RAB3D: variants seen among roughly 807,000 people sequenced by gnomAD.
RAB3D encodes RAB3D, member RAS oncogene family.
A neutral mutation model predicts 19.3 loss-of-function variants in RAB3D; 17 were observed. The observed-to-expected ratio is 0.88, with a 90% CI of 0.60 to 1.32. The LOEUF (loss-of-function observed/expected upper bound fraction) is 1.32, where lower values mean the gene tolerates loss of function less well. Among genes scored for constraint, RAB3D ranks in the 40% most tolerant of loss-of-function variants. RAB3D has a pLI of 0.00. For missense variants in RAB3D, 223 were observed against 299.1 expected (o/e 0.75, Z 1.88); for synonymous variants, 103 against 119.9 (o/e 0.86, Z 0.92).
At chr19:11,338,231 C>T (rs949848505) in intron 1 of RAB3D, among the ~76,000 whole-genome samples, 1 of 152,192 alleles carries the variant, frequency 6.6e-6, no homozygotes, top group African/African-American at 2.4e-5. Context: ...GGTGGGGAGA[C>T]CTTTCCTATC....
chr19:11,336,098 T>C (rs1278514926), intron 2 of RAB3D, among the ~76,000 whole-genome samples: 1 of 152,144 alleles, frequency 6.6e-6, no homozygotes, highest in African/African-American at 2.4e-5. Flanking sequence ...ACCTTGTCTC[T>C]AAGAACCAAC....
intron 4 of RAB3D, among the ~76,000 whole-genome samples, chr19:11,334,835 A>G (rs539207305): frequency 2.6e-5 from 4 of 152,122 alleles, no homozygotes; most frequent in African/African-American, 9.6e-5. Context: ...AAGCAGGAGA[A>G]TTGCTTGAAC....
At chr19:11,337,683 T>C (rs1966909828) in intron 1 of RAB3D, among the ~76,000 whole-genome samples, 1 of 151,952 alleles carries the variant, frequency 6.6e-6, no homozygotes, top group African/African-American at 2.4e-5. Flanking sequence ...TTTTTTTTTT[T>C]TTTAGAGACA....
intron 4 of RAB3D, among the ~76,000 whole-genome samples, chr19:11,331,341 T>G (rs938388445): frequency 4.6e-5 from 7 of 151,958 alleles, no homozygotes; most frequent in Non-Finnish European, 1.0e-4. Context: ...TCAGAAAAAC[T>G]TCATTTATAG....
chr19:11,326,760 T>C (rs113307417), intron 4 of RAB3D: 10,215 of 696,272 alleles, frequency 0.015, 590 homozygotes, highest in African/African-American at 0.14. Context: ...TGCCCCACCA[T>C]GCCCGGCTAA....
In RAB3D at chr19:11,325,258, A is replaced by C; in HGVS notation, c.*140T>G. ...GCAGCCACGGCGACATTGTGAAGGA[A>C]TGAGCCATGCAGGAGTCGGGGAGCA... On this transcript the variant is annotated 3_prime_UTR_variant, in exon 5 of 5. Coordinates refer to ENST00000222120, the MANE Select transcript of RAB3D (RefSeq NM_004283.4). 8.3e-6 allele frequency: 5 copies of C among 605,412 alleles called. No individual in the cohort carries two copies. The highest frequency in any genetic ancestry group is 1.1e-5 in the Non-Finnish European group (4 of 348,194). 37.5% of individuals were successfully genotyped at this position (605,412 alleles called of 1,614,324 possible).
intron 4 of RAB3D, among the ~76,000 whole-genome samples, chr19:11,329,056 T>C (rs2080826659): frequency 6.6e-6 from 1 of 151,538 alleles, no homozygotes; most frequent in Non-Finnish European, 1.5e-5. Context: ...TAGCTGGGAC[T>C]ATAGGGGTGT....
At chr19:11,326,594 G>C (rs2080814422) in intron 4 of RAB3D, among the ~76,000 whole-genome samples, 2 of 152,148 alleles carry the variant, frequency 1.3e-5, no homozygotes, top group Non-Finnish European at 2.9e-5. Context: ...GACCCATCAA[G>C]TCACATTTTC....
chr19:11,326,407 G>T (rs569011444), intron 4 of RAB3D, among the ~76,000 whole-genome samples: 1 of 152,036 alleles, frequency 6.6e-6, no homozygotes, highest in Admixed American at 6.6e-5. Flanking sequence ...GAAACCCTGC[G>T]GCTGCAGCCA....
In RAB3D at chr19:11,339,046, C is replaced by T. The variant is rs534219724; in HGVS notation, c.-62+423G>A. On this transcript the variant is annotated intron_variant, in intron 1 of 4. Transcript: ENST00000222120. Reference sequence around the variant, plus strand: ...AACCAGGACCCAACCGGCCCCACCCCGTGTTCCAGGAGAACGAGTTTAAGG... The same window carrying T: ...AACCAGGACCCAACCGGCCCCACCCTGTGTTCCAGGAGAACGAGTTTAAGG... 2.6e-5 allele frequency among the ~76,000 whole-genome samples: 4 copies of T among 152,354 alleles called. No individual in the cohort carries two copies. The South Asian group carries it at 8.3e-4, about 32-fold the overall frequency.
chr19:11,331,752 A>G (rs1388202706), intron 4 of RAB3D, among the ~76,000 whole-genome samples: 1 of 151,076 alleles, frequency 6.6e-6, no homozygotes, highest in Non-Finnish European at 1.5e-5. Flanking sequence ...TCAGCCTCCT[A>G]AAGTGGTGGG....
chr19:11,339,430 A>ACC (rs953158646), intron 1 of RAB3D, 39 bp downstream of exon 1: 32 of 151,974 alleles, frequency 2.1e-4, no homozygotes, highest in African/African-American at 7.5e-4. Flanking sequence ...TGTTCCCCAG[A>ACC]CCCCCTACCT....
At chr19:11,333,500 G>A (rs2080842182) in intron 4 of RAB3D, among the ~76,000 whole-genome samples, 1 of 152,166 alleles carries the variant, frequency 6.6e-6, no homozygotes, top group African/African-American at 2.4e-5. Context: ...ATGCCTGTGG[G>A]TGCTCAGCAT....
At chr19:11,325,606 G>A (rs1202287995) in intron 4 of RAB3D, 21 bp from the exon 5 acceptor site, 1 of 1,519,342 alleles carries the variant, frequency 6.6e-7, no homozygotes, top group East Asian at 2.4e-5. Context: ...GTTAAGGTGG[G>A]GACACTCGTA....
chr19:11,329,026 GC>G lies in RAB3D; in HGVS notation c.473-3442del, dbSNP rs1167693753. Among the ~76,000 whole-genome samples, 11 of 150,526 alleles carry G rather than the reference GC, an allele frequency of 7.3e-5. No individual in the cohort carries two copies. The East Asian group carries it at 1.6e-3, about 22-fold the overall frequency. On this transcript the variant is annotated intron_variant, in intron 4 of 4. Coordinates refer to ENST00000222120, the MANE Select transcript of RAB3D (RefSeq NM_004283.4). Reference sequence around the variant, plus strand: ...AACTCACTACGGCCTTGACTCTTGGGCCCCCCTCAGTCTCCCAAGTAGCTGG... The same window carrying G: ...AACTCACTACGGCCTTGACTCTTGGGCCCCCTCAGTCTCCCAAGTAGCTGG...
chr19:11,333,085 T>C (rs981199361), intron 4 of RAB3D, among the ~76,000 whole-genome samples: 1 of 151,404 alleles, frequency 6.6e-6, no homozygotes, highest in Non-Finnish European at 1.5e-5. Flanking sequence ...TATTTCTTTT[T>C]TTTTTTTTTT....
intron 4 of RAB3D, chr19:11,326,890 G>C (rs318688): frequency 1.9e-5 from 11 of 564,648 alleles, no homozygotes; most frequent in Non-Finnish European, 3.5e-5. Flanking sequence ...GTTTACCAGC[G>C]TGAGCCACCA....
rs1425802582 is a variant in RAB3D, at chr19:11,322,165, T to C, written c.*3233A>G. The C allele has an allele frequency of 2.3e-4, 35 of 152,160 alleles. No individual in the cohort carries two copies. Among genetic ancestry groups the C allele is most frequent in the Admixed American group, 2.3e-3 (35 of 15,264 alleles). The allele number at this position is 152,160 out of a possible 1,614,324, so 9.4% of individuals were successfully genotyped here. On this transcript the variant is annotated 3_prime_UTR_variant, in exon 5 of 5. Coordinates refer to ENST00000222120, the MANE Select transcript of RAB3D (RefSeq NM_004283.4). ...CTACACAGAAGAACCACATCCAGGA[T>C]AGAAAGGACCAGCCAGAGCTCGTTC... is the stretch of plus-strand genomic sequence containing the variant.
At chr19:11,335,891 C>T in intron 2 of RAB3D, 108 bp from the exon 3 acceptor site, 1 of 1,017,190 alleles carries the variant, frequency 9.8e-7, no homozygotes, top group South Asian at 1.4e-5. Flanking sequence ...ACGGGGGAGA[C>T]ACAGACTTGC....
Sources: gnomAD v4.1 joint callset for allele counts (sites outside exome capture counted in the v4.1 genomes callset) on GRCh38, gnomAD v4.1.1 for gene constraint, MANE v1.5 for transcripts, NCBI Gene and HGNC (gene_info 2026-07-23, HGNC 2026-07-21) for gene names.